Variants in TCF7L1 observed in about 807,000 individuals in gnomAD.
TCF7L1 encodes the protein transcription factor 7-like 1.
A neutral mutation model predicts 63.7 loss-of-function variants in TCF7L1; 18 were observed. The ratio of observed to expected loss-of-function variants is 0.28; its 90% confidence interval spans 0.20 to 0.42. The LOEUF (loss-of-function observed/expected upper bound fraction) is 0.42, where lower values mean the gene tolerates loss of function less well. TCF7L1 is among the 10% of genes least tolerant of loss of function. The pLI is 1.00. For missense variants in TCF7L1, 654 were observed against 779.3 expected (o/e 0.84, Z 1.91); for synonymous variants, 355 against 340.9 (o/e 1.04, Z -0.46).
intron 3 of TCF7L1, among the ~76,000 whole-genome samples, chr2:85,279,923 C>T (rs1681371419): frequency 6.6e-6 from 1 of 152,192 alleles, no homozygotes; most frequent in African/African-American, 2.4e-5. Flanking sequence ...GTGTGGTCTC[C>T]TCCCAGCAGA....
Position 85,222,600 on chromosome 2 carries a change from G to A in TCF7L1, c.442-60895G>A, listed in dbSNP as rs114513620. On this transcript the variant is annotated intron_variant, in intron 3 of 11. Coordinates refer to ENST00000282111, the MANE Select transcript of TCF7L1 (RefSeq NM_031283.3). ...TGTGAGGATTGCTTGAGCCAGGGAG[G>A]CAGAGGCTGCAGTGAGCCTAGATTG... Among the ~76,000 whole-genome samples, 457 of 146,402 alleles carry A rather than the reference G, an allele frequency of 3.1e-3. 1 individual carries two copies. Among genetic ancestry groups the A allele is most frequent in the African/African-American group, 0.011 (436 of 38,004 alleles).
intron 3 of TCF7L1, among the ~76,000 whole-genome samples, chr2:85,144,757 G>GTA (rs1677836019): frequency 6.7e-6 from 1 of 149,996 alleles, no homozygotes; most frequent in Non-Finnish European, 1.5e-5. Flanking sequence ...GTGTATGTGT[G>GTA]TGTGTGTGTA....
At chr2:85,240,110 T>A (rs1457581496) in intron 3 of TCF7L1, among the ~76,000 whole-genome samples, 1 of 152,266 alleles carries the variant, frequency 6.6e-6, no homozygotes, top group Non-Finnish European at 1.5e-5. Context: ...TTTCTCGTAC[T>A]GAGTGTTCCG....
chr2:85,294,388 A>G (rs1681799184), intron 4 of TCF7L1, among the ~76,000 whole-genome samples: 1 of 152,082 alleles, frequency 6.6e-6, no homozygotes, highest in Admixed American at 6.6e-5. Context: ...TGGGTGAATC[A>G]CACTTTGCAG....
rs997047629 is a variant in TCF7L1 at position 85,134,007 on chromosome 2, C to T, written c.250-9C>T. The T allele has an allele frequency of 1.6e-5, 26 of 1,609,548 alleles. No individual in the cohort carries two copies. The highest frequency in any genetic ancestry group is 1.9e-5 in the Non-Finnish European group (22 of 1,178,342). On this transcript the variant is annotated splice_polypyrimidine_tract_variant and intron_variant, in intron 1 of 11. Transcript: ENST00000282111. The surrounding 1 kb of genome is among the most constrained non-coding windows in gnomAD (Gnocchi z 5.0). ...CTCACCCGCTCTTGCCTTTGTGTCTCCTCCGCAGGCGGAGAGGCGCCCGCA... is the reference window on the plus strand; with the variant it reads ...CTCACCCGCTCTTGCCTTTGTGTCTTCTCCGCAGGCGGAGAGGCGCCCGCA...
At chr2:85,149,327 ATATGTGTG>A (rs1677954416) in intron 3 of TCF7L1, among the ~76,000 whole-genome samples, 1 of 29,376 alleles carries the variant, frequency 3.4e-5, no homozygotes, top group African/African-American at 1.4e-4. Flanking sequence ...ACATATACAC[ATATGTGTG>A]TATATGTGTA....
chr2:85,205,842 GC>G (rs1679396178), intron 3 of TCF7L1, among the ~76,000 whole-genome samples: 5 of 152,286 alleles, frequency 3.3e-5, no homozygotes, highest in African/African-American at 1.2e-4. Context: ...TATTCTAGCT[GC>G]TCAAGCAGTT....
chr2:85,235,888 T>C (rs72840185), intron 3 of TCF7L1, among the ~76,000 whole-genome samples: 6,313 of 152,122 alleles, frequency 0.041, 143 homozygotes, highest in African/African-American at 0.05. Flanking sequence ...GGCTGGGTAC[T>C]GTGGCTCATG....
intron 3 of TCF7L1, among the ~76,000 whole-genome samples, chr2:85,147,733 A>G (rs1677913474): frequency 1.3e-5 from 2 of 152,148 alleles, no homozygotes; most frequent in Non-Finnish European, 2.9e-5. Context: ...TCTATACACC[A>G]TATGTAATAA....
chr2:85,262,263 A>T, intron 3 of TCF7L1: 1 of 520,184 alleles, frequency 1.9e-6, no homozygotes, highest in Non-Finnish European at 3.9e-6. Flanking sequence ...GATGAGGTTG[A>T]TGGGCGCATC....
intron 3 of TCF7L1, among the ~76,000 whole-genome samples, chr2:85,192,233 A>G (rs1345022538): frequency 2.6e-5 from 4 of 152,148 alleles, no homozygotes; most frequent in Non-Finnish European, 5.9e-5. Context: ...CCTCATTTCT[A>G]ATCCTGAATT....
chr2:85,160,958 G>C (rs1678271163), intron 3 of TCF7L1, among the ~76,000 whole-genome samples: 1 of 152,238 alleles, frequency 6.6e-6, no homozygotes, highest in Non-Finnish European at 1.5e-5. Flanking sequence ...AAACAGGGGT[G>C]GCTGTCGGGG....
At chr2:85,197,188 A>G (rs1448867049) in intron 3 of TCF7L1, among the ~76,000 whole-genome samples, 1 of 152,228 alleles carries the variant, frequency 6.6e-6, no homozygotes, top group Non-Finnish European at 1.5e-5. Flanking sequence ...AGGAAGGTAG[A>G]TCACCTGAGG....
rs186435999 is a variant in TCF7L1, at chr2:85,258,365, C to T, written c.442-25130C>T. On this transcript the variant is annotated intron_variant, in intron 3 of 11. Transcript: ENST00000282111. Reference sequence around the variant, plus strand: ...TCCTGAGGCTTGAGAGCCTGCCTGACTCTTCCCTGGACGTGCACCAAGCCA... The same window carrying T: ...TCCTGAGGCTTGAGAGCCTGCCTGATTCTTCCCTGGACGTGCACCAAGCCA... 4.5e-3 allele frequency among the ~76,000 whole-genome samples: 687 copies of T among 152,278 alleles called. 6 individuals are homozygous for T. The highest frequency in any genetic ancestry group is 0.015 in the African/African-American group (638 of 41,548).
intron 3 of TCF7L1, among the ~76,000 whole-genome samples, chr2:85,190,443 G>C (rs1168822590): frequency 6.6e-6 from 1 of 152,122 alleles, no homozygotes; most frequent in Non-Finnish European, 1.5e-5. Context: ...GGCCAGTCTT[G>C]GGTGGCTGGT....
intron 3 of TCF7L1, among the ~76,000 whole-genome samples, chr2:85,184,044 C>A (rs1339475163): frequency 6.6e-6 from 1 of 152,148 alleles, no homozygotes; most frequent in Non-Finnish European, 1.5e-5. Flanking sequence ...GGAAGGAAAG[C>A]TAGGCCTAAG....
Position 85,133,727 on chromosome 2 carries a change from A to C in TCF7L1, c.43A>C (p.Ser15Arg). Residue 15 changes from serine (S) to arginine (R), a missense_variant, in exon 1 of 12, where the codon AGC (serine) becomes CGC (arginine). Physicochemically the swap from Ser to Arg is moderately radical, Grantham distance 110. Coordinates refer to ENST00000282111, the MANE Select transcript of TCF7L1 (RefSeq NM_031283.3). The surrounding 1 kb of genome is among the most constrained non-coding windows in gnomAD (Gnocchi z 4.4). ...GGGGGGGGGG[S>R]GGGGGSSAGA... is the part of the protein sequence containing the mutation. Reference sequence around the variant, plus strand: ...CGGGGGCGGCGGCGGCGGCGGCGGCAGCGGGGGAGGCGGCGGCTCCAGCGC... The same window carrying C: ...CGGGGGCGGCGGCGGCGGCGGCGGCCGCGGGGGAGGCGGCGGCTCCAGCGC... 8.5e-7 allele frequency: 1 copy of C among 1,180,396 alleles called. No homozygotes were observed. The highest frequency in any genetic ancestry group is 1.0e-6 in the Non-Finnish European group (1 of 954,424). The allele number at this position is 1,180,396 out of a possible 1,614,324, so 73.1% of individuals were successfully genotyped here. A position where few individuals can be genotyped will look rare whatever the true frequency, so the allele number is the denominator to read the frequency against.
chr2:85,219,499 T>C (rs1215524337), intron 3 of TCF7L1, among the ~76,000 whole-genome samples: 1 of 152,164 alleles, frequency 6.6e-6, no homozygotes, highest in Non-Finnish European at 1.5e-5. Context: ...TAAATAAATA[T>C]AGTCATCTAG....
intron 3 of TCF7L1, among the ~76,000 whole-genome samples, chr2:85,208,183 A>G (rs904720356): frequency 3.5e-4 from 53 of 152,230 alleles, no homozygotes; most frequent in Non-Finnish European, 5.0e-4. Flanking sequence ...TGGGATTACA[A>G]GTGTGAGCCA....
Sources: allele counts gnomAD v4.1 joint callset (sites outside exome capture counted in the v4.1 genomes callset), GRCh38; gene constraint gnomAD v4.1.1; non-coding constraint Gnocchi (gnomAD v3.1); transcripts MANE v1.5; gene names NCBI Gene and HGNC (gene_info 2026-07-23, HGNC 2026-07-21).